The following ISOC1 variants were observed in gnomAD, a reference collection of about 807,000 sequenced individuals.
The protein encoded by ISOC1 is isochorismatase domain containing 1.
In ISOC1, 33 loss-of-function variants were observed where a neutral mutation model predicts 30.0. The observed-to-expected ratio is 1.10, with a 90% confidence interval of 0.83 to 1.47. The LOEUF (loss-of-function observed/expected upper bound fraction) is 1.47, where lower values mean the gene tolerates loss of function less well. Ranked by LOEUF, ISOC1 falls within the 40% of genes most tolerant of loss-of-function variation. The pLI is 0.00. For missense variants in ISOC1, 372 were observed against 388.0 expected, an observed-to-expected ratio of 0.96 and a Z score of 0.35; for synonymous variants, 178 against 159.8, an observed-to-expected ratio of 1.11 and a Z score of -0.86.
At position 129,094,764 on chromosome 5, in the gene ISOC1, A is replaced by C; in HGVS notation, c.-3A>C. The C allele has an allele frequency of 1.3e-6, 2 of 1,490,936 alleles. No individual in the cohort carries two copies. Among genetic ancestry groups the C allele is most frequent in the Non-Finnish European group, 1.8e-6 (2 of 1,125,808 alleles). 92.4% of individuals were successfully genotyped at this position (1,490,936 alleles called of 1,614,324 possible). On this transcript the variant is annotated 5_prime_UTR_variant, in exon 1 of 5. Transcript: ENST00000173527. ...CTCGGAGCTCGCAGACGCTCGGGGG[A>C]ACATGGCGGCTGCGGAGCCGGCGGT... is the stretch of plus-strand genomic sequence containing the variant.
chr5:129,098,930 A>G (rs1232869887), intron 1 of ISOC1, among the ~76,000 whole-genome samples: 1 of 152,126 alleles, frequency 6.6e-6, no homozygotes. Flanking sequence ...CTTTGGCTTG[A>G]TAGTTTGAAG....
intron 4 of ISOC1, among the ~76,000 whole-genome samples, chr5:129,110,721 CA>C (rs1225801065): frequency 2.0e-5 from 3 of 152,200 alleles, no homozygotes; most frequent in Non-Finnish European, 4.4e-5. Flanking sequence ...GAGTGCTGGG[CA>C]TTGTAGACAG....
chr5:129,111,496 G>T (rs1753709068), intron 4 of ISOC1, among the ~76,000 whole-genome samples: 1 of 152,152 alleles, frequency 6.6e-6, no homozygotes, highest in Non-Finnish European at 1.5e-5. Flanking sequence ...CTTACACTCT[G>T]CAAGGATATT....
At position 129,113,078 on chromosome 5, in the gene ISOC1, CT is replaced by C; in HGVS notation, c.*79del. 7.6e-7 allele frequency: 1 copy of C among 1,314,868 alleles called. No individual in the cohort carries two copies. The highest frequency in any genetic ancestry group is 1.5e-5 in the South Asian group (1 of 66,282). The allele number at this position is 1,314,868 out of a possible 1,614,324, so 81.5% of individuals were successfully genotyped here. On this transcript the variant is annotated 3_prime_UTR_variant, in exon 5 of 5. Transcript: ENST00000173527. ...GGACTGTAAGCCCACACAAGCTCTTCTTATCTCTACTAGAATTAAAATGTTA... is the reference window on the plus strand; with the variant it reads ...GGACTGTAAGCCCACACAAGCTCTTCTATCTCTACTAGAATTAAAATGTTA...
intron 1 of ISOC1, among the ~76,000 whole-genome samples, chr5:129,099,977 T>A (rs548686245): frequency 6.6e-6 from 1 of 152,328 alleles, no homozygotes; most frequent in African/African-American, 2.4e-5. Context: ...TACTGAGGCT[T>A]GTGCTATAAA....
chr5:129,108,630 G>T (rs1753666434), intron 4 of ISOC1, among the ~76,000 whole-genome samples: 1 of 151,834 alleles, frequency 6.6e-6, no homozygotes, highest in Admixed American at 6.6e-5. Flanking sequence ...CCCTGTCTCA[G>T]CCTCCCGAGT....
At chr5:129,102,336 A>T (rs1375534795) in intron 1 of ISOC1, among the ~76,000 whole-genome samples, 1 of 152,102 alleles carries the variant, frequency 6.6e-6, no homozygotes, top group Non-Finnish European at 1.5e-5. Context: ...GAGTTTGTGG[A>T]TGGTAAGTTC....
At chr5:129,112,710 C>T in intron 4 of ISOC1, 145 bp from the exon 5 acceptor site, 5 of 741,862 alleles carry the variant, frequency 6.7e-6, no homozygotes, top group South Asian at 1.9e-5. Context: ...GAAATCCATC[C>T]CCATCACTGA....
At chr5:129,103,905 C>T (rs1028391740) in intron 1 of ISOC1, among the ~76,000 whole-genome samples, 1 of 152,108 alleles carries the variant, frequency 6.6e-6, no homozygotes, top group African/African-American at 2.4e-5. Context: ...CTTTACAGTA[C>T]TTCCTGCAAT....
chr5:129,103,706 G>C (rs1422668500), intron 1 of ISOC1, among the ~76,000 whole-genome samples: 1 of 152,122 alleles, frequency 6.6e-6, no homozygotes. Context: ...AGATACTAAG[G>C]AGAGTCTAAG....
intron 1 of ISOC1, among the ~76,000 whole-genome samples, chr5:129,099,341 C>T (rs1753544777): frequency 6.6e-6 from 1 of 152,170 alleles, no homozygotes; most frequent in African/African-American, 2.4e-5. Flanking sequence ...GTCCTCACCC[C>T]TGGGGTGGGT....
rs1753615835 is a variant in ISOC1, at chr5:129,104,856, C to A, written c.310-100C>A. 7 of 1,181,744 alleles carry A rather than the reference C, an allele frequency of 5.9e-6. 1 individual carries two copies. The highest frequency in any genetic ancestry group is 8.2e-6 in the Non-Finnish European group (7 of 853,514). The allele number at this position is 1,181,744 out of a possible 1,614,324, so 73.2% of individuals were successfully genotyped here. The stretch of plus-strand genomic sequence containing the variant: ...ATAGCGGTAGAAATTGACTTACTGG[C>A]TCAAACAATAGGACCATTTTTCTTC... On this transcript the variant is annotated intron_variant, in intron 1 of 4. Coordinates refer to ENST00000173527, the MANE Select transcript of ISOC1 (RefSeq NM_016048.2).
chr5:129,101,151 C>A (rs1753565289), intron 1 of ISOC1, among the ~76,000 whole-genome samples: 1 of 76,422 alleles, frequency 1.3e-5, no homozygotes, highest in Non-Finnish European at 2.3e-5. Context: ...GGCCACCAAG[C>A]TCAGCTAATC....
intron 3 of ISOC1, among the ~76,000 whole-genome samples, chr5:129,106,046 T>C (rs948025041): frequency 6.6e-5 from 10 of 152,206 alleles, no homozygotes; most frequent in Admixed American, 6.5e-4. Flanking sequence ...AGATATTTCC[T>C]CAGGCTTAGA....
rs193072516 is a variant in ISOC1 at position 129,107,557 on chromosome 5, G to A, written c.750+495G>A. On this transcript the variant is annotated intron_variant, in intron 4 of 4. Coordinates refer to ENST00000173527, the MANE Select transcript of ISOC1 (RefSeq NM_016048.2). ...CAATAAAAATAAAAATAGAATGATA[G>A]GGCAGAATAACATCTATTTACATAG... Among the ~76,000 whole-genome samples the A allele has an allele frequency of 2.8e-4, 42 of 152,210 alleles. No homozygotes were observed. The East Asian group carries it at 4.3e-3, about 15-fold the overall frequency.
rs1193417442 is a variant in ISOC1, at chr5:129,094,793, T to TGCGCTCCCC, written c.28_36dup (p.Ala10_Pro12dup). ...TGGCGGCTGCGGAGCCGGCGGTCCT[T>TGCGCTCCCC]GCGCTCCCCAACAGCGGCGCCGGGG... On this transcript the variant is annotated inframe_insertion, in exon 1 of 5. Coordinates refer to ENST00000173527, the MANE Select transcript of ISOC1 (RefSeq NM_016048.2). The TGCGCTCCCC allele has an allele frequency of 5.9e-6, 9 of 1,522,846 alleles. No homozygotes were observed. The highest frequency in any genetic ancestry group is 7.9e-6 in the Non-Finnish European group (9 of 1,140,548). 94.3% of individuals were successfully genotyped at this position (1,522,846 alleles called of 1,614,324 possible).
At chr5:129,107,424 C>T (rs1417913337) in intron 4 of ISOC1, among the ~76,000 whole-genome samples, 1 of 151,952 alleles carries the variant, frequency 6.6e-6, no homozygotes, top group Non-Finnish European at 1.5e-5. Flanking sequence ...CTCATTTAGC[C>T]AAAAGCTAGA....
intron 4 of ISOC1, 94 bp downstream of exon 4, chr5:129,107,156 C>A: frequency 9.7e-7 from 1 of 1,034,648 alleles, no homozygotes; most frequent in Non-Finnish European, 1.5e-6. Flanking sequence ...GGTTTACCTC[C>A]TAAATTTGAG....
chr5:129,100,585 C>T (rs963498236), intron 1 of ISOC1, among the ~76,000 whole-genome samples: 1 of 152,084 alleles, frequency 6.6e-6, no homozygotes, highest in African/African-American at 2.4e-5. Context: ...ACATTTGGTC[C>T]AGTCCACTTT....
Sources: gnomAD v4.1 joint callset for allele counts (sites outside exome capture counted in the v4.1 genomes callset) on GRCh38, gnomAD v4.1.1 for gene constraint, MANE v1.5 for transcripts, NCBI Gene and HGNC (gene_info 2026-07-23, HGNC 2026-07-21) for gene names.